DOCK10: variants seen among roughly 807,000 people sequenced by gnomAD.
DOCK10 encodes dedicator of cytokinesis 10.
Under a neutral mutation model 280.1 loss-of-function variants are expected in DOCK10, and 145 were observed. The observed-to-expected ratio is 0.52, with a 90% CI of 0.45 to 0.59. DOCK10 has a LOEUF of 0.59. Ranked by LOEUF, DOCK10 falls within the 20% of genes least tolerant of loss-of-function variation. The pLI, the probability that DOCK10 is intolerant of heterozygous loss-of-function variation, is 0.00. For missense variants in DOCK10, 2,368 were observed against 2,651.7 expected (o/e 0.89, Z 2.35); for synonymous variants, 915 against 942.2 (o/e 0.97, Z 0.53).
intron 45 of DOCK10, among the ~76,000 whole-genome samples, chr2:224,794,230 T>C (rs1026769981): frequency 6.6e-6 from 1 of 152,348 alleles, no homozygotes. Flanking sequence ...AGTTTAGGAC[T>C]ATCCTAGACA....
chr2:225,001,570 G>A (rs991911214), intron 1 of DOCK10, among the ~76,000 whole-genome samples: 11 of 152,314 alleles, frequency 7.2e-5, no homozygotes, highest in Non-Finnish European at 1.5e-4. Context: ...TTACAGGTAT[G>A]AGCCACTGTG....
intron 1 of DOCK10, among the ~76,000 whole-genome samples, chr2:224,975,744 ATAAT>A (rs1001334749): frequency 2.6e-5 from 4 of 152,228 alleles, no homozygotes; most frequent in African/African-American, 9.6e-5. Flanking sequence ...GTTTTCATAA[ATAAT>A]TCATTTCCTT....
chr2:224,902,346 A>T (rs1700346779), intron 3 of DOCK10, among the ~76,000 whole-genome samples: 1 of 152,248 alleles, frequency 6.6e-6, no homozygotes, highest in Admixed American at 6.5e-5. Context: ...TGCCAGAAAG[A>T]TTAATGCAAG....
At chr2:224,792,580 GC>G (rs1178281701) in intron 47 of DOCK10, among the ~76,000 whole-genome samples, 1 of 152,166 alleles carries the variant, frequency 6.6e-6, no homozygotes, top group Non-Finnish European at 1.5e-5. Context: ...ACCGCGCCTG[GC>G]CCTATCTTTT....
intron 30 of DOCK10, 88 bp downstream of exon 30, chr2:224,816,529 A>G (rs1418913712): frequency 1.2e-6 from 1 of 831,998 alleles, no homozygotes; most frequent in East Asian, 2.7e-5. Flanking sequence ...CTGAAGAAAC[A>G]GGAAAATAAT....
chr2:224,774,425 G>C (rs1452770781), intron 52 of DOCK10, among the ~76,000 whole-genome samples: 1 of 152,212 alleles, frequency 6.6e-6, no homozygotes, highest in Non-Finnish European at 1.5e-5. Flanking sequence ...AGTGTGTTGA[G>C]GAAATGAAAG....
chr2:224,811,678 G>A (rs1693788337), intron 31 of DOCK10, among the ~76,000 whole-genome samples: 1 of 152,174 alleles, frequency 6.6e-6, no homozygotes, highest in Non-Finnish European at 1.5e-5. Flanking sequence ...TGTAAGGAAG[G>A]GATCCAGTTT....
intron 33 of DOCK10, among the ~76,000 whole-genome samples, chr2:224,806,488 T>C (rs1286546339): frequency 1.3e-5 from 2 of 152,208 alleles, no homozygotes; most frequent in African/African-American, 4.8e-5. Context: ...ATATACAGAC[T>C]ACATGGCTGG....
chr2:225,019,107 A>G (rs1174587582), intron 1 of DOCK10, among the ~76,000 whole-genome samples: 1 of 151,900 alleles, frequency 6.6e-6, no homozygotes, highest in East Asian at 1.9e-4. Flanking sequence ...ATTGTTACAA[A>G]CTCTTCAGCA....
chr2:225,001,753 G>A (rs281529), intron 1 of DOCK10, among the ~76,000 whole-genome samples: 84,346 of 152,104 alleles, frequency 0.55, 26,765 homozygotes, highest in Non-Finnish European at 0.69. Context: ...TGATCGAGGC[G>A]TCGGCAGGTG....
At chr2:225,009,156 T>C (rs189281311) in intron 1 of DOCK10, among the ~76,000 whole-genome samples, 55 of 152,208 alleles carry the variant, frequency 3.6e-4, no homozygotes, top group Middle Eastern at 6.8e-3. Flanking sequence ...AAAACCAGGG[T>C]CGACGCCTAA....
At chr2:225,001,481 G>C (rs573358388) in intron 1 of DOCK10, among the ~76,000 whole-genome samples, 9 of 151,966 alleles carry the variant, frequency 5.9e-5, no homozygotes, top group Admixed American at 5.2e-4. Flanking sequence ...GTAGAGATGG[G>C]GTTTTACCAT....
At chr2:225,007,362 T>C (rs1559952029) in intron 1 of DOCK10, among the ~76,000 whole-genome samples, 1 of 152,158 alleles carries the variant, frequency 6.6e-6, no homozygotes, top group Non-Finnish European at 1.5e-5. Flanking sequence ...AACCTGTAAA[T>C]AGTCCATGAG....
chr2:224,788,367 G>C (rs6436510), intron 48 of DOCK10, among the ~76,000 whole-genome samples: 4,342 of 151,978 alleles, frequency 0.029, 221 homozygotes, highest in African/African-American at 0.095. Flanking sequence ...TCAACAATTT[G>C]TTTTAAGAAA....
chr2:224,792,723 G>A (rs1297896582), intron 47 of DOCK10, among the ~76,000 whole-genome samples: 1 of 152,210 alleles, frequency 6.6e-6, no homozygotes, highest in Non-Finnish European at 1.5e-5. Context: ...AAATATGGCT[G>A]TAACTCATAA....
At chr2:225,035,623 TCAGTGCGGGCTGCC>T (rs1690238281) in intron 1 of DOCK10, among the ~76,000 whole-genome samples, 2 of 126,216 alleles carry the variant, frequency 1.6e-5, no homozygotes, top group African/African-American at 7.3e-5. Context: ...GTTGTATTAG[TCAGTGCGGGCTGCC>T]ATAATAACCA....
At chr2:224,893,870 G>A (rs542103485) in intron 4 of DOCK10, among the ~76,000 whole-genome samples, 2 of 152,184 alleles carry the variant, frequency 1.3e-5, no homozygotes, top group South Asian at 2.1e-4. Context: ...TATTAGCCTC[G>A]GAAGACCCAA....
chr2:224,818,106 C>T (rs1322089140), intron 29 of DOCK10, among the ~76,000 whole-genome samples: 6 of 152,202 alleles, frequency 3.9e-5, no homozygotes, highest in Non-Finnish European at 7.3e-5. Context: ...TCAGTTGATT[C>T]ATTTAAGCAG....
intron 32 of DOCK10, 35 bp from the exon 33 acceptor site, chr2:224,807,819 G>T (rs1330108284): frequency 6.4e-7 from 1 of 1,565,294 alleles, no homozygotes; most frequent in Non-Finnish European, 8.7e-7. Flanking sequence ...AATGATTCAT[G>T]TAAAAATCAA....
Sources: gnomAD v4.1 joint callset for allele counts (sites outside exome capture counted in the v4.1 genomes callset) on GRCh38, gnomAD v4.1.1 for gene constraint, MANE v1.5 for transcripts, NCBI Gene and HGNC (gene_info 2026-07-23, HGNC 2026-07-21) for gene names.